The following C1QTNF9 variants were observed in gnomAD, a reference collection of about 807,000 sequenced individuals.
C1QTNF9 encodes the protein complement C1q and tumor necrosis factor-related protein 9A.
In C1QTNF9, 6 loss-of-function variants were observed where a neutral mutation model predicts 10.1. The ratio of observed to expected loss-of-function variants is 0.59; its 90% confidence interval spans 0.32 to 1.17. The LOEUF (loss-of-function observed/expected upper bound fraction) is 1.17, where lower values mean the gene tolerates loss of function less well. Ranked by LOEUF, C1QTNF9 falls within the 50% of genes most tolerant of loss-of-function variation. The probability of loss-of-function intolerance (pLI) is 0.04; values close to 1 mark genes in which losing one functional copy is unlikely to be tolerated. For missense variants in C1QTNF9, 201 were observed against 418.8 expected, an observed-to-expected ratio of 0.48 and a Z score of 4.54; for synonymous variants, 98 against 163.5, an observed-to-expected ratio of 0.60 and a Z score of 3.06.
chr13:24,316,287 A>C lies in C1QTNF9; in HGVS notation c.166+118A>C, dbSNP rs1428294279. 27 of 1,441,866 alleles carry C rather than the reference A, an allele frequency of 1.9e-5. No individual in the cohort carries two copies. In the East Asian group the frequency reaches 4.3e-4, roughly 23 times the overall value. 89.3% of individuals were successfully genotyped at this position (1,441,866 alleles called of 1,614,324 possible). ...ACTCACACCCCATCCATCCATACAT[A>C]CATCAACCCAGCAACACTCACTGGA... On this transcript the variant is annotated intron_variant, in intron 2 of 3. Transcript: ENST00000332018.
chr13:24,308,681 G>A (rs973066053), upstream of C1QTNF9, among the ~76,000 whole-genome samples: 2 of 151,628 alleles, frequency 1.3e-5, no homozygotes, highest in African/African-American at 4.8e-5. Context: ...TCTGTGCGTG[G>A]CCTCGCCGCC....
intron 3 of C1QTNF9, among the ~76,000 whole-genome samples, chr13:24,320,587 G>A (rs1294176349): frequency 1.3e-5 from 2 of 152,146 alleles, no homozygotes; most frequent in African/African-American, 4.8e-5. Flanking sequence ...GTTTGGCCAT[G>A]TTGCCTAGGC....
At chr13:24,318,302 C>A (rs1282848449) in intron 2 of C1QTNF9, among the ~76,000 whole-genome samples, 8 of 152,208 alleles carry the variant, frequency 5.3e-5, no homozygotes. Context: ...GTGTAAGGCA[C>A]TAGAGGGATC....
At chr13:24,314,136 C>CT (rs947516385) in intron 1 of C1QTNF9, among the ~76,000 whole-genome samples, 13 of 152,266 alleles carry the variant, frequency 8.5e-5, no homozygotes, top group African/African-American at 3.1e-4. Flanking sequence ...GTCTTTTGCT[C>CT]TTTAACTTTT....
chr13:24,319,029 G>T (rs1354295815), intron 3 of C1QTNF9, 149 bp downstream of exon 3: 21 of 1,097,810 alleles, frequency 1.9e-5, no homozygotes, highest in Non-Finnish European at 2.7e-5. Flanking sequence ...GCAGGGATTG[G>T]CAGGCTTTGC....
chr13:24,313,814 A>G (rs1231450594), intron 1 of C1QTNF9, among the ~76,000 whole-genome samples: 5 of 152,206 alleles, frequency 3.3e-5, no homozygotes, highest in Non-Finnish European at 7.3e-5. Flanking sequence ...TTATTTGCAT[A>G]TATTCACTTT....
chr13:24,315,368 C>T (rs1877984418), intron 1 of C1QTNF9, among the ~76,000 whole-genome samples: 1 of 152,242 alleles, frequency 6.6e-6, no homozygotes, highest in South Asian at 2.1e-4. Flanking sequence ...CATGTTGTAA[C>T]ATGTGTCAGA....
At chr13:24,314,291 G>A (rs1490902727) in intron 1 of C1QTNF9, among the ~76,000 whole-genome samples, 1 of 151,634 alleles carries the variant, frequency 6.6e-6, no homozygotes, top group African/African-American at 2.4e-5. Context: ...TGTAATACTA[G>A]CACTTTGGGA....
rs536908560 is a variant in C1QTNF9 at position 24,316,394 on chromosome 13, T to C, written c.166+225T>C. 2.0e-4 allele frequency among the ~76,000 whole-genome samples: 30 copies of C among 152,192 alleles called. 1 individual carries two copies. In the South Asian group the frequency reaches 6.2e-3, roughly 32 times the overall value. On this transcript the variant is annotated intron_variant, in intron 2 of 3. Transcript: ENST00000332018. ...CCATGCCAGACTCTGTGCCAGGTGCTGGTGGAGAGCACAGGGCAAGATCGC... is the reference window on the plus strand; with the variant it reads ...CCATGCCAGACTCTGTGCCAGGTGCCGGTGGAGAGCACAGGGCAAGATCGC...
intron 3 of C1QTNF9, among the ~76,000 whole-genome samples, chr13:24,319,935 G>A: frequency 6.6e-6 from 1 of 152,194 alleles, no homozygotes; most frequent in South Asian, 2.1e-4. Flanking sequence ...CGTCCTGTGT[G>A]CATATGGGGA....
upstream of C1QTNF9, among the ~76,000 whole-genome samples, chr13:24,308,092 T>G (rs1566211944): frequency 1.3e-5 from 2 of 152,130 alleles, no homozygotes. Flanking sequence ...GGCTGGAGTG[T>G]GCAGACGTGG....
At chr13:24,314,695 A>T (rs1289073808) in intron 1 of C1QTNF9, among the ~76,000 whole-genome samples, 1 of 151,956 alleles carries the variant, frequency 6.6e-6, no homozygotes, top group Non-Finnish European at 1.5e-5. Flanking sequence ...AAACAAAACC[A>T]AACCCAGGTG....
chr13:24,315,495 A>G (rs1256204829), intron 1 of C1QTNF9, among the ~76,000 whole-genome samples: 1 of 152,214 alleles, frequency 6.6e-6, no homozygotes, highest in Non-Finnish European at 1.5e-5. Context: ...GCAACTACGA[A>G]CATGGACATC....
chr13:24,312,039 A>G (rs554149037), intron 1 of C1QTNF9, among the ~76,000 whole-genome samples: 13 of 152,268 alleles, frequency 8.5e-5, no homozygotes, highest in African/African-American at 1.9e-4. Context: ...GGGCCCCTAG[A>G]AGCCCAGCTA....
chr13:24,319,074 G>A (rs1212430315), intron 3 of C1QTNF9, among the ~76,000 whole-genome samples, 194 bp downstream of exon 3: 2 of 152,046 alleles, frequency 1.3e-5, no homozygotes, highest in East Asian at 3.9e-4. Context: ...CAACTCCGCA[G>A]GCCATACAGA....
exon 3 of C1QTNF9, chr13:24,318,846 G>A: frequency 6.2e-7 from 1 of 1,614,270 alleles, no homozygotes; most frequent in Non-Finnish European, 8.5e-7. Flanking sequence ...GCAGCCCGGG[G>A]AAGGATGGGA....
At chr13:24,312,954 C>A (rs1414825363) in intron 1 of C1QTNF9, among the ~76,000 whole-genome samples, 126 of 115,724 alleles carry the variant, frequency 1.1e-3, no homozygotes, top group Middle Eastern at 5.3e-3. Context: ...GACTCTATCT[C>A]AAAAAAAAAA....
At chr13:24,318,350 C>T (rs1379659922) in intron 2 of C1QTNF9, among the ~76,000 whole-genome samples, 12 of 152,172 alleles carry the variant, frequency 7.9e-5, no homozygotes, top group African/African-American at 1.2e-4. Context: ...GATAGTGTCA[C>T]GTAACCATAG....
At chr13:24,315,943 C>A in intron 1 of C1QTNF9, 39 bp from the exon 2 acceptor site, 1 of 1,608,242 alleles carries the variant, frequency 6.2e-7, no homozygotes, top group Non-Finnish European at 8.5e-7. Flanking sequence ...GCCCCAGCAA[C>A]AAAGATTTCT....
Sources: gnomAD v4.1 joint callset for allele counts (sites outside exome capture counted in the v4.1 genomes callset) on GRCh38, gnomAD v4.1.1 for gene constraint, MANE v1.5 for transcripts, NCBI Gene and HGNC (gene_info 2026-07-23, HGNC 2026-07-21) for gene names.